SMS: variants seen among roughly 807,000 people sequenced by gnomAD.
SMS encodes spermidine aminopropyltransferase.
In SMS, 3 loss-of-function variants were observed where a neutral mutation model predicts 33.0. The ratio of observed to expected loss-of-function variants is 0.09; its 90% CI spans 0.04 to 0.23. The LOEUF (loss-of-function observed/expected upper bound fraction) is 0.23, where lower values mean the gene tolerates loss of function less well. Among genes scored for constraint, SMS ranks in the 10% least tolerant of loss-of-function variants. The pLI is 1.00. For missense variants in SMS, 117 were observed against 288.6 expected (o/e 0.41, Z 4.31); for synonymous variants, 103 against 112.2 (o/e 0.92, Z 0.52).
chrX:21,978,187 A>C, intron 6 of SMS, 73 bp downstream of exon 6: 21 of 1,018,528 alleles, frequency 2.1e-5, no homozygotes, highest in African/African-American at 3.7e-5. Flanking sequence ...CTCACAACTC[A>C]AATTAATGTT....
intron 1 of SMS, among the ~76,000 whole-genome samples, chrX:21,954,453 A>G (rs1922838477): frequency 8.9e-6 from 1 of 112,459 alleles, no homozygotes; most frequent in Middle Eastern, 4.6e-3. Context: ...GGAAGTACAG[A>G]TTTCCAAGCC....
chrX:21,976,131 G>A (rs1458077273), intron 4 of SMS, among the ~76,000 whole-genome samples: 1 of 110,330 alleles, frequency 9.1e-6, no homozygotes, highest in African/African-American at 3.3e-5. Flanking sequence ...GAAAAATACC[G>A]GGTATTTACA....
intron 6 of SMS, 109 bp downstream of exon 6, chrX:21,978,223 A>G: frequency 1.3e-6 from 1 of 757,821 alleles, no homozygotes; most frequent in Non-Finnish European, 2.1e-6. Context: ...CAAATGTGTT[A>G]CCTAGACTGC....
intron 1 of SMS, among the ~76,000 whole-genome samples, chrX:21,958,963 T>G (rs1923157164): frequency 8.8e-6 from 1 of 113,097 alleles, no homozygotes; most frequent in South Asian, 3.6e-4. Flanking sequence ...TATGCCTGAA[T>G]AGTGCGTGGA....
intron 2 of SMS, among the ~76,000 whole-genome samples, 172 bp downstream of exon 2, chrX:21,967,488 A>G (rs1287181682): frequency 9.0e-6 from 1 of 111,156 alleles, no homozygotes; most frequent in Non-Finnish European, 1.9e-5. Context: ...ATCTCCTGGT[A>G]GCGTTACTGA....
chrX:21,983,099 C>T lies in SMS; in HGVS notation c.751-1205C>T, dbSNP rs375977132. On this transcript the variant is annotated intron_variant, in intron 7 of 10. Coordinates refer to ENST00000404933, the MANE Select transcript of SMS (RefSeq NM_004595.5). ...ACTCAGGCTGGAGCACAGTGGTGCG[C>T]GATGATCATGGCTCACTACAGCCTC... Among the ~76,000 whole-genome samples the T allele has an allele frequency of 3.5e-4, 39 of 111,166 alleles. No individual in the cohort carries two copies. In the East Asian group the frequency reaches 9.6e-3, roughly 27 times the overall value.
chrX:21,954,268 T>C (rs764052588), intron 1 of SMS, among the ~76,000 whole-genome samples: 16 of 112,216 alleles, frequency 1.4e-4, no homozygotes, highest in African/African-American at 5.2e-4. Flanking sequence ...GAATGATCTT[T>C]ACATCTTAAA....
chrX:21,944,920 G>A (rs751096076), intron 1 of SMS, among the ~76,000 whole-genome samples: 4 of 107,971 alleles, frequency 3.7e-5, no homozygotes, highest in East Asian at 5.7e-4. Context: ...TGGAGGTTAC[G>A]CTGAGCCCAG....
intron 2 of SMS, among the ~76,000 whole-genome samples, chrX:21,970,671 G>A (rs2054463481): frequency 1.8e-5 from 2 of 109,266 alleles, no homozygotes; most frequent in Non-Finnish European, 3.8e-5. Flanking sequence ...CGGGCTTAAG[G>A]AATCCTCCTG....
intron 7 of SMS, among the ~76,000 whole-genome samples, chrX:21,980,196 CAG>C (rs924386197): frequency 7.3e-5 from 8 of 109,128 alleles, no homozygotes; most frequent in African/African-American, 2.6e-4. Context: ...AGGAAAATAA[CAG>C]ATGACAAAGA....
chrX:21,956,450 A>T (rs1277355586), intron 1 of SMS, among the ~76,000 whole-genome samples: 1 of 108,531 alleles, frequency 9.2e-6, no homozygotes, highest in Non-Finnish European at 1.9e-5. Context: ...CACCTGGCTA[A>T]TTTTTTTTTA....
chrX:21,989,740 T>TTTGTTG (rs377453488), intron 9 of SMS, among the ~76,000 whole-genome samples: 60 of 111,190 alleles, frequency 5.4e-4, no homozygotes, highest in African/African-American at 1.9e-3. Context: ...TAAACTTTTT[T>TTTGTTG]TTGTTGTTGT....
chrX:21,978,106 A>G lies in SMS; in HGVS notation c.652A>G (p.Met218Val). The G allele has an allele frequency of 3.3e-6, 4 of 1,207,638 alleles. No homozygotes were observed. Among genetic ancestry groups the G allele is most frequent in the Non-Finnish European group, 4.5e-6 (4 of 891,583 alleles). Residue 218 changes from methionine to valine, a missense_variant, in exon 6 of 11, where the codon ATG (methionine) becomes GTG (valine). By Grantham distance (21) the Met-to-Val change is conservative. Coordinates refer to ENST00000404933, the MANE Select transcript of SMS (RefSeq NM_004595.5). ...CAAACTAAAACCAAAGATGGTCACT[A>G]TGGTAGAGATATCCTTTGTTGTATA... is the stretch of plus-strand genomic sequence containing the variant. ...IVKLKPKMVT[M>V]VEIDQMVIDG...
At chrX:21,962,093 G>A (rs1054429383) in intron 1 of SMS, among the ~76,000 whole-genome samples, 5 of 112,179 alleles carry the variant, frequency 4.5e-5, no homozygotes, top group African/African-American at 1.6e-4. Flanking sequence ...TCAAGGGATT[G>A]TATTGCCCCT....
chrX:21,967,424 T>C, intron 2 of SMS, 108 bp downstream of exon 2: 2 of 853,561 alleles, frequency 2.3e-6, no homozygotes, highest in East Asian at 3.3e-5. Flanking sequence ...TCCTTTGACA[T>C]CTTTTAGGAT....
chrX:21,971,433 G>T (rs772625224), intron 2 of SMS, among the ~76,000 whole-genome samples: 1 of 111,622 alleles, frequency 9.0e-6, no homozygotes, highest in African/African-American at 3.3e-5. Context: ...GCAGGCAGTT[G>T]GCCTGGATTT....
At chrX:21,959,918 G>C (rs1302244858) in intron 1 of SMS, 2 of 752,904 alleles carry the variant, frequency 2.7e-6, no homozygotes, top group African/African-American at 4.6e-5. Context: ...GCAGATCCCT[G>C]AAAGGAGCAG....
chrX:21,976,905 C>T (rs1223372881), intron 4 of SMS, among the ~76,000 whole-genome samples, 156 bp from the exon 5 acceptor site: 2 of 111,993 alleles, frequency 1.8e-5, no homozygotes, highest in African/African-American at 6.5e-5. Context: ...TGGTGGTGGC[C>T]GTGATTATAT....
chrX:21,993,204 T>C (rs773876652), intron 10 of SMS, among the ~76,000 whole-genome samples: 9 of 112,265 alleles, frequency 8.0e-5, no homozygotes, highest in Non-Finnish European at 1.3e-4. Context: ...GTAAAATGTC[T>C]AAAGACACTC....
Sources: gnomAD v4.1 joint callset for allele counts (sites outside exome capture counted in the v4.1 genomes callset) on GRCh38, gnomAD v4.1.1 for gene constraint, MANE v1.5 for transcripts, NCBI Gene and HGNC (gene_info 2026-07-23, HGNC 2026-07-21) for gene names.